Variants in CDH10 observed in about 807,000 individuals in gnomAD.
The protein encoded by CDH10 is cadherin-10.
CDH10 carries 30 observed loss-of-function variants against 73.1 expected under a neutral mutation model. That is an observed-to-expected ratio of 0.41 (90% CI 0.31 to 0.56). CDH10 has a LOEUF of 0.56. Ranked by LOEUF, CDH10 falls within the 20% of genes least tolerant of loss-of-function variation. The pLI, the probability that CDH10 is intolerant of heterozygous loss-of-function variation, is 0.27. For missense variants in CDH10, 815 were observed against 973.7 expected (o/e 0.84, Z 2.17); for synonymous variants, 345 against 348.2 (o/e 0.99, Z 0.10).
At chr5:24,607,959 A>G (rs1455482656) in intron 1 of CDH10, among the ~76,000 whole-genome samples, 1 of 152,178 alleles carries the variant, frequency 6.6e-6, no homozygotes, top group Non-Finnish European at 1.5e-5. Flanking sequence ...ATTTGACAGC[A>G]TCAACCTAGC....
At chr5:24,546,163 T>G (rs537023778) in intron 2 of CDH10, among the ~76,000 whole-genome samples, 2 of 151,788 alleles carry the variant, frequency 1.3e-5, no homozygotes, top group African/African-American at 4.9e-5. Flanking sequence ...AGGCTATGAA[T>G]GCTATCCTTG....
At chr5:24,577,550 C>T (rs4701450) in intron 2 of CDH10, among the ~76,000 whole-genome samples, 144,714 of 152,214 alleles carry the variant, frequency 0.95, 69,024 homozygotes, top group East Asian at 1. Context: ...GATCTGTTAA[C>T]GTTTCTCTTT....
intron 2 of CDH10, among the ~76,000 whole-genome samples, chr5:24,544,225 C>T (rs993895008): frequency 1.4e-4 from 21 of 151,946 alleles, no homozygotes; most frequent in South Asian, 2.1e-4. Context: ...ACTGGGGAGG[C>T]GGAGGTTGCA....
chr5:24,579,248 G>T (rs1026183835), intron 2 of CDH10, among the ~76,000 whole-genome samples: 5 of 151,638 alleles, frequency 3.3e-5, no homozygotes, highest in Non-Finnish European at 7.4e-5. Flanking sequence ...CATTTTCTCT[G>T]AAACCAGGAA....
intron 1 of CDH10, among the ~76,000 whole-genome samples, chr5:24,610,260 G>A (rs1389277946): frequency 1.3e-5 from 2 of 152,064 alleles, no homozygotes; most frequent in Non-Finnish European, 2.9e-5. Context: ...TGACATAAAC[G>A]GGAAAATGAG....
At chr5:24,491,130 C>T (rs1275231537) in intron 11 of CDH10, among the ~76,000 whole-genome samples, 6 of 152,104 alleles carry the variant, frequency 3.9e-5, no homozygotes, top group Admixed American at 6.6e-5. Flanking sequence ...GCCACTGATG[C>T]GTCTCCTTTC....
intron 9 of CDH10, among the ~76,000 whole-genome samples, chr5:24,494,405 G>GA (rs1254077923): frequency 1.3e-5 from 2 of 151,596 alleles, no homozygotes; most frequent in Non-Finnish European, 1.5e-5. Context: ...TATTGAAGAG[G>GA]AAAAAATGAC....
rs766148228 is a variant in CDH10, at chr5:24,564,928, G to C, written c.232-27254C>G. 4.2e-4 allele frequency among the ~76,000 whole-genome samples: 64 copies of C among 152,016 alleles called. 2 individuals are homozygous for C. The highest frequency in any genetic ancestry group is 1.3e-4 in the Admixed American group (2 of 15,260). ...TCTGCTCTCATCTGATCCTCTCACT[G>C]GGCCAGTCCATTGAGTATATGCCCA... On this transcript the variant is annotated intron_variant, in intron 2 of 11. Coordinates refer to ENST00000264463, the MANE Select transcript of CDH10 (RefSeq NM_006727.5).
chr5:24,565,249 A>G (rs1183483175), intron 2 of CDH10, among the ~76,000 whole-genome samples: 2 of 152,192 alleles, frequency 1.3e-5, no homozygotes, highest in Non-Finnish European at 2.9e-5. Context: ...GTGTGTACAA[A>G]ATCCTAAGAA....
At chr5:24,549,922 G>A (rs1321148327) in intron 2 of CDH10, among the ~76,000 whole-genome samples, 1 of 152,060 alleles carries the variant, frequency 6.6e-6, no homozygotes, top group South Asian at 2.1e-4. Context: ...TATCAAAATA[G>A]GTTTCAAAGA....
intron 1 of CDH10, among the ~76,000 whole-genome samples, chr5:24,624,394 A>G (rs1274246979): frequency 6.6e-6 from 1 of 152,106 alleles, no homozygotes; most frequent in Non-Finnish European, 1.5e-5. Context: ...TAATTCTACA[A>G]ATTATGGGTA....
chr5:24,572,556 CTA>C (rs1369168250), intron 2 of CDH10, among the ~76,000 whole-genome samples: 2 of 152,018 alleles, frequency 1.3e-5, no homozygotes, highest in African/African-American at 4.8e-5. Context: ...AAAATCAACA[CTA>C]TCTTATTTAG....
At chr5:24,586,816 T>C (rs1014616571) in intron 2 of CDH10, among the ~76,000 whole-genome samples, 2 of 148,448 alleles carry the variant, frequency 1.3e-5, no homozygotes, top group Admixed American at 6.8e-5. Flanking sequence ...ATAATAATAA[T>C]AGTAAAACAA....
intron 11 of CDH10, 37 bp downstream of exon 11, chr5:24,491,539 C>T (rs563077405): frequency 6.4e-7 from 1 of 1,568,620 alleles, no homozygotes; most frequent in East Asian, 2.3e-5. Flanking sequence ...TACTAAAGAG[C>T]CTAGAAAATG....
chr5:24,503,856 A>G (rs1318934661), intron 8 of CDH10, among the ~76,000 whole-genome samples: 2 of 152,192 alleles, frequency 1.3e-5, no homozygotes, highest in African/African-American at 4.8e-5. Context: ...CTGATTAACA[A>G]TATATTCCTG....
At position 24,511,497 on chromosome 5, in the gene CDH10, C is replaced by G. The variant is rs928187381; in HGVS notation, c.832G>C (p.Val278Leu). 30 of 1,570,506 alleles carry G rather than the reference C, an allele frequency of 1.9e-5. No individual in the cohort carries two copies. The Admixed American group carries it at 4.3e-4, about 22-fold the overall frequency. The change falls in exon 6 of 12, where the codon GTT becomes CTT. Residue 278 changes from valine (V) to leucine (L), a missense_variant. By Grantham distance (32) the Val-to-Leu change is conservative. Around this residue, in one of 3 missense-constraint regions of CDH10, gnomAD observed 516 missense variants for 636.6 expected, o/e 0.81. Coordinates refer to ENST00000264463, the MANE Select transcript of CDH10 (RefSeq NM_006727.5). ...GTGCCAACTGGGGAGGATTCAAGAA[C>G]TCGAAGATGAATAGTGTCTGTAAAG... ...RFPQNTIHLRVLESSPVGTAI... is the reference protein window; with the variant it reads ...RFPQNTIHLRLLESSPVGTAI...
chr5:24,634,159 G>T (rs148886533), intron 1 of CDH10, among the ~76,000 whole-genome samples: 1 of 151,778 alleles, frequency 6.6e-6, no homozygotes, highest in Non-Finnish European at 1.5e-5. Flanking sequence ...GAAAAGAAAT[G>T]ATTATTTCAG....
At chr5:24,560,087 C>T (rs1744901992) in intron 2 of CDH10, among the ~76,000 whole-genome samples, 2 of 152,092 alleles carry the variant, frequency 1.3e-5, no homozygotes, top group East Asian at 1.9e-4. Context: ...TGGCTGATTT[C>T]ACTTCAGTAA....
At chr5:24,587,591 T>C (rs1365532836) in intron 2 of CDH10, among the ~76,000 whole-genome samples, 1 of 152,162 alleles carries the variant, frequency 6.6e-6, no homozygotes, top group Non-Finnish European at 1.5e-5. Flanking sequence ...TTATGTGAGA[T>C]TTAATACAGT....
Sources: gnomAD v4.1 joint callset for allele counts (sites outside exome capture counted in the v4.1 genomes callset) on GRCh38, gnomAD v4.1.1 for gene constraint, gnomAD v4.1.1 regional missense constraint, MANE v1.5 for transcripts, NCBI Gene and HGNC (gene_info 2026-07-23, HGNC 2026-07-21) for gene names.